The following CTNNA2 variants were observed in gnomAD, a reference collection of about 807,000 sequenced individuals.
The protein encoded by CTNNA2 is catenin alpha 2, also known as catenin alpha-2.
Under a neutral mutation model 101.0 loss-of-function variants are expected in CTNNA2, and 42 were observed. The ratio of observed to expected loss-of-function variants is 0.42; its 90% CI spans 0.32 to 0.54. CTNNA2 has a LOEUF of 0.54. Among genes scored for constraint, CTNNA2 ranks in the 20% least tolerant of loss-of-function variants. The pLI is 0.14. For missense variants in CTNNA2, 871 were observed against 1,223.1 expected (o/e 0.71, Z 4.29); for synonymous variants, 450 against 456.4 (o/e 0.99, Z 0.18).
intron 7 of CTNNA2, among the ~76,000 whole-genome samples, chr2:80,228,759 AT>A (rs1709034475): frequency 6.6e-6 from 1 of 152,148 alleles, no homozygotes; most frequent in Non-Finnish European, 1.5e-5. Flanking sequence ...ATAAGACAAA[AT>A]AGAGGGGTAA....
At position 80,303,136 on chromosome 2, in the gene CTNNA2, G is replaced by T. The variant is rs767640018; in HGVS notation, c.1057-90075G>T. ...AGTGCAGGGAGATGAGGCGCGGGAAGTGGGCGAAGTTCACCTTGACCAAGT... is the reference window on the plus strand; with the variant it reads ...AGTGCAGGGAGATGAGGCGCGGGAATTGGGCGAAGTTCACCTTGACCAAGT... On this transcript the variant is annotated intron_variant, in intron 7 of 18. Transcript: ENST00000402739. This position sits in a 1 kb window ranked among gnomAD's most constrained non-coding sequence, Gnocchi z 7.7. 2.5e-6 allele frequency: 4 copies of T among 1,614,036 alleles called. No individual in the cohort carries two copies. Among genetic ancestry groups the T allele is most frequent in the Non-Finnish European group, 3.4e-6 (4 of 1,180,048 alleles).
At chr2:80,377,719 C>G (rs1462368778) in intron 7 of CTNNA2, among the ~76,000 whole-genome samples, 1 of 152,178 alleles carries the variant, frequency 6.6e-6, no homozygotes. Flanking sequence ...CATAAGCCTT[C>G]TAGGAGACTA....
chr2:79,938,892 A>G (rs1293588240), intron 7 of CTNNA2, among the ~76,000 whole-genome samples: 1 of 152,198 alleles, frequency 6.6e-6, no homozygotes, highest in Non-Finnish European at 1.5e-5. Context: ...GGTCAAAAAC[A>G]TACTAATGTA....
intron 1 of CTNNA2, among the ~76,000 whole-genome samples, chr2:79,570,534 G>A (rs1414210479): frequency 6.6e-6 from 1 of 152,022 alleles, no homozygotes; most frequent in Non-Finnish European, 1.5e-5. Flanking sequence ...TATCAGCATA[G>A]GAGATTATGA....
chr2:80,337,592 A>G (rs908147551), intron 7 of CTNNA2, among the ~76,000 whole-genome samples: 1 of 151,752 alleles, frequency 6.6e-6, no homozygotes, highest in Non-Finnish European at 1.5e-5. Context: ...CACATGCTGC[A>G]GGGTGTGTGA....
chr2:79,258,871 A>AAAT (rs1674883904), intron 2 of CTNNA2, among the ~76,000 whole-genome samples: 1 of 146,854 alleles, frequency 6.8e-6, no homozygotes, highest in East Asian at 2.0e-4. Context: ...AAAAAAAAAA[A>AAAT]GGCAAACGAA....
At chr2:80,133,217 G>A (rs1416281230) in intron 7 of CTNNA2, among the ~76,000 whole-genome samples, 2 of 152,114 alleles carry the variant, frequency 1.3e-5, no homozygotes, top group East Asian at 3.9e-4. Flanking sequence ...CACAAGCCAA[G>A]GAACAACTGG....
intron 7 of CTNNA2, among the ~76,000 whole-genome samples, chr2:79,947,874 G>T (rs1225891472): frequency 6.6e-6 from 1 of 152,148 alleles, no homozygotes; most frequent in East Asian, 1.9e-4. Context: ...GGTAATGTTT[G>T]CTATGGACTT....
chr2:79,673,429 T>C (rs927472145), intron 2 of CTNNA2, among the ~76,000 whole-genome samples: 3 of 152,166 alleles, frequency 2.0e-5, no homozygotes, highest in Non-Finnish European at 4.4e-5. Flanking sequence ...TAATAAATTA[T>C]AGCTTTGTAG....
chr2:79,235,433 G>C (rs75926158), intron 2 of CTNNA2, among the ~76,000 whole-genome samples: 31 of 152,056 alleles, frequency 2.0e-4, no homozygotes, highest in Non-Finnish European at 4.0e-4. Flanking sequence ...GGTGGGGAGA[G>C]AGATGGCCCC....
rs752630778 is a variant in CTNNA2 at position 79,426,507 on chromosome 2, T to C, written c.-135+52494T>C. ...TCCAGTTATAATAGCCAAAGCCTAA[T>C]CCATACATCTCTATTTTTAAAAAAT... On this transcript the variant is annotated intron_variant, in intron 4 of 21. Coordinates refer to the CTNNA2 transcript ENST00000466387. Among the ~76,000 whole-genome samples, 169 of 152,218 alleles carry C rather than the reference T, an allele frequency of 1.1e-3. 2 individuals are homozygous for C. The highest frequency in any genetic ancestry group is 2.6e-4 in the Non-Finnish European group (18 of 67,988).
At position 79,372,839 on chromosome 2, in the gene CTNNA2, G is replaced by A. The variant is rs563870775; in HGVS notation, c.-317-992G>A. 4.6e-5 allele frequency among the ~76,000 whole-genome samples: 7 copies of A among 152,224 alleles called. No homozygotes were observed. In the East Asian group the frequency reaches 1.2e-3, roughly 25 times the overall value. On this transcript the variant is annotated intron_variant, in intron 3 of 21. Coordinates refer to the CTNNA2 transcript ENST00000466387. ...GTTAATTGGCAGAGGCCTACCAAAG[G>A]TATACAATCTTGAAGGACCTATCAG... is the stretch of plus-strand genomic sequence containing the variant.
chr2:80,195,360 T>G (rs1706763687), intron 7 of CTNNA2, among the ~76,000 whole-genome samples: 1 of 152,132 alleles, frequency 6.6e-6, no homozygotes, highest in African/African-American at 2.4e-5. Flanking sequence ...GGAAAAAAAA[T>G]CAAACTGCAC....
intron 3 of CTNNA2, among the ~76,000 whole-genome samples, chr2:79,776,193 C>T (rs1167632436): frequency 6.6e-5 from 10 of 152,110 alleles, no homozygotes; most frequent in Non-Finnish European, 1.5e-4. Context: ...AAACTTTGAA[C>T]ACGGCTTTTG....
chr2:80,474,150 G>A (rs929951735), intron 9 of CTNNA2, among the ~76,000 whole-genome samples: 1 of 152,152 alleles, frequency 6.6e-6, no homozygotes, highest in African/African-American at 2.4e-5. Flanking sequence ...AAAAATCTAT[G>A]TTTTAACAAC....
intron 7 of CTNNA2, among the ~76,000 whole-genome samples, chr2:80,126,634 C>CCCTTCCTTCCTTCCTTCCTTCCTTCCTT (rs1178536900): frequency 2.3e-4 from 6 of 26,180 alleles, no homozygotes; most frequent in African/African-American, 1.1e-3. Flanking sequence ...CTCCCTCCCT[C>CCCTTCCTTCCTTCCTTCCTTCCTTCCTT]CCTTCCTTCC....
At chr2:79,855,030 G>A (rs888767074) in intron 3 of CTNNA2, among the ~76,000 whole-genome samples, 9 of 152,134 alleles carry the variant, frequency 5.9e-5, no homozygotes, top group African/African-American at 2.2e-4. Context: ...CCTTTCCTTT[G>A]GAATCCTTAT....
At chr2:80,276,496 A>T (rs1673911730) in intron 7 of CTNNA2, among the ~76,000 whole-genome samples, 1 of 152,124 alleles carries the variant, frequency 6.6e-6, no homozygotes, top group Admixed American at 6.5e-5. Context: ...TAAAGAAAAG[A>T]GGTTTATTTG....
At chr2:80,226,365 G>A (rs1708889033) in intron 7 of CTNNA2, among the ~76,000 whole-genome samples, 1 of 152,222 alleles carries the variant, frequency 6.6e-6, no homozygotes, top group Admixed American at 6.5e-5. Flanking sequence ...GATCTTGAGA[G>A]TGTTACCAGA....
Sources: allele counts gnomAD v4.1 joint callset (sites outside exome capture counted in the v4.1 genomes callset), GRCh38; gene constraint gnomAD v4.1.1; non-coding constraint Gnocchi (gnomAD v3.1); transcripts MANE v1.5; gene names NCBI Gene and HGNC (gene_info 2026-07-23, HGNC 2026-07-21).